Variants in MBNL1 observed in about 807,000 individuals in gnomAD.
MBNL1 encodes the protein muscleblind-like protein 1.
MBNL1 carries 8 observed loss-of-function variants against 42.2 expected under a neutral mutation model. That is an observed-to-expected ratio of 0.19 (90% confidence interval 0.11 to 0.34). MBNL1 has a LOEUF of 0.34. Among genes scored for constraint, MBNL1 ranks in the 10% least tolerant of loss-of-function variants. MBNL1 has a pLI of 1.00. For synonymous variants in MBNL1, 169 were observed against 173.9 expected (o/e 0.97, Z 0.22); for missense variants, 309 against 495.3 (o/e 0.62, Z 3.57).
At chr3:152,291,147 C>T (rs1288936229) in intron 1 of MBNL1, among the ~76,000 whole-genome samples, 1 of 152,030 alleles carries the variant, frequency 6.6e-6, no homozygotes, top group Non-Finnish European at 1.5e-5. Context: ...TCTTGTAGAA[C>T]AATTAAGTAG....
chr3:152,297,994 G>C (rs2059371717), intron 1 of MBNL1, among the ~76,000 whole-genome samples: 1 of 152,104 alleles, frequency 6.6e-6, no homozygotes, highest in South Asian at 2.1e-4. Context: ...TCGTACTGTA[G>C]TATTTTCCAA....
intron 2 of MBNL1, among the ~76,000 whole-genome samples, chr3:152,315,966 T>C (rs34997580): frequency 0.11 from 16,607 of 152,158 alleles, 1,171 homozygotes; most frequent in Middle Eastern, 0.18. Flanking sequence ...GAAGAATTTC[T>C]GAAGTTCTCA....
intron 2 of MBNL1, among the ~76,000 whole-genome samples, chr3:152,261,762 G>A (rs2036322760): frequency 6.6e-6 from 1 of 152,140 alleles, no homozygotes; most frequent in African/African-American, 2.4e-5. Flanking sequence ...CATGTTGCTA[G>A]GACAATATTT....
rs113059157 is a variant in MBNL1, at chr3:152,348,009, A to G, written c.174+47642A>G. ...TATAAATTTTAATCTATTTAGAATA[A>G]CAGGTGGGTGAAAAGAATACAGACT... On this transcript the variant is annotated intron_variant, in intron 2 of 9. Coordinates refer to ENST00000324210, the MANE Select transcript of MBNL1 (RefSeq NM_021038.5). Among the ~76,000 whole-genome samples the G allele has an allele frequency of 2.6e-5, 4 of 152,256 alleles. No homozygotes were observed. In the South Asian group the frequency reaches 8.3e-4, roughly 32 times the overall value.
chr3:152,248,888 A>G (rs2033840930), intron 2 of MBNL1, among the ~76,000 whole-genome samples: 1 of 151,460 alleles, frequency 6.6e-6, no homozygotes, highest in South Asian at 2.1e-4. Flanking sequence ...TGTTCTTGCG[A>G]TAGTTTACTG....
intron 2 of MBNL1, among the ~76,000 whole-genome samples, chr3:152,343,127 A>G (rs1266028540): frequency 1.3e-5 from 2 of 152,138 alleles, no homozygotes; most frequent in African/African-American, 2.4e-5. Flanking sequence ...GACTGACCCA[A>G]ATATGGGGTG....
At chr3:152,370,354 AGGGTCC>A (rs760768445) in intron 2 of MBNL1, among the ~76,000 whole-genome samples, 3 of 152,062 alleles carry the variant, frequency 2.0e-5, no homozygotes, top group Non-Finnish European at 4.4e-5. Context: ...TGATTGCACC[AGGGTCC>A]GGGAGACTGT....
rs1321686657 is a variant in MBNL1 at position 152,462,880 on chromosome 3, G to A, written c.*514G>A. ...AGAGCGTGCATGCACAGTCATTTTT[G>A]TTTAAGAGTAATATTTTTAATGTAA... On this transcript the variant is annotated 3_prime_UTR_variant, in exon 10 of 10. Transcript: ENST00000324210. 4 of 151,900 alleles carry A rather than the reference G, an allele frequency of 2.6e-5. No individual in the cohort carries two copies. Among genetic ancestry groups the A allele is most frequent in the Non-Finnish European group, 4.4e-5 (3 of 67,486 alleles). 9.4% of individuals were successfully genotyped at this position (151,900 alleles called of 1,614,324 possible).
chr3:152,290,421 G>A (rs1217935001), intron 1 of MBNL1, among the ~76,000 whole-genome samples: 1 of 152,014 alleles, frequency 6.6e-6, no homozygotes, highest in Non-Finnish European at 1.5e-5. Context: ...ATAACTATTG[G>A]TTGTGAGAAT....
chr3:152,263,105 A>G (rs945412345), upstream of MBNL1: 5 of 152,020 alleles, frequency 3.3e-5, no homozygotes, highest in African/African-American at 1.2e-4. Context: ...TCAAGGGCCA[A>G]CTCTCCAGCT....
At chr3:152,377,469 G>A (rs1292418349) in intron 2 of MBNL1, among the ~76,000 whole-genome samples, 1 of 152,108 alleles carries the variant, frequency 6.6e-6, no homozygotes, top group African/African-American at 2.4e-5. Flanking sequence ...AATTTATATT[G>A]TATTATCTCT....
intron 1 of MBNL1, among the ~76,000 whole-genome samples, chr3:152,272,042 TCTC>T: frequency 2.0e-5 from 1 of 50,154 alleles, no homozygotes; most frequent in East Asian, 3.8e-4. Context: ...GTTTCTTTTC[TCTC>T]TCTCTCTCTC....
At chr3:152,308,862 C>T (rs1460383675) in intron 2 of MBNL1, among the ~76,000 whole-genome samples, 4 of 151,642 alleles carry the variant, frequency 2.6e-5, no homozygotes, top group South Asian at 2.1e-4. Flanking sequence ...GTCAAGAGAC[C>T]GGTTGTAAAA....
At chr3:152,329,752 A>G (rs543646480) in intron 2 of MBNL1, among the ~76,000 whole-genome samples, 3 of 147,798 alleles carry the variant, frequency 2.0e-5, no homozygotes, top group South Asian at 4.2e-4. Flanking sequence ...TAAGAAATAT[A>G]TATATAATTT....
At chr3:152,409,277 A>T in intron 2 of MBNL1, among the ~76,000 whole-genome samples, 1 of 152,262 alleles carries the variant, frequency 6.6e-6, no homozygotes, top group South Asian at 2.1e-4. Context: ...GTAATTTTTA[A>T]ATAAATATTT....
rs142091612 is a variant in MBNL1 at position 152,421,959 on chromosome 3, C to T, written c.345+6848C>T. ...GAATATGGAAAGGAAAAACTCGTAC[C>T]GACCACTAAAAAAAAAAATACCAAA... On this transcript the variant is annotated intron_variant, in intron 3 of 9. Coordinates refer to ENST00000324210, the MANE Select transcript of MBNL1 (RefSeq NM_021038.5). 5.0e-3 allele frequency among the ~76,000 whole-genome samples: 739 copies of T among 148,984 alleles called. 5 individuals carry two copies. The highest frequency in any genetic ancestry group is 0.01 in the South Asian group (48 of 4,764).
At position 152,371,345 on chromosome 3, in the gene MBNL1, C is replaced by A. The variant is rs372007439; in HGVS notation, c.175-43596C>A. Among the ~76,000 whole-genome samples, 26 of 152,278 alleles carry A rather than the reference C, an allele frequency of 1.7e-4. No individual in the cohort carries two copies. In the East Asian group the frequency reaches 2.5e-3, roughly 15 times the overall value. ...AGGCACCGTGGCTCATGTGTGTAAT[C>A]CCAGCACTTTGGGAGGCTGAGGCTG... On this transcript the variant is annotated intron_variant, in intron 2 of 9. Transcript: ENST00000324210.
chr3:152,434,258 G>A (rs1257093462), intron 4 of MBNL1, among the ~76,000 whole-genome samples: 2 of 152,166 alleles, frequency 1.3e-5, no homozygotes, highest in Non-Finnish European at 2.9e-5. Context: ...TTGTGTCCAT[G>A]AGGTCTCATC....
At chr3:152,445,147 G>C in intron 4 of MBNL1, 135 bp from the exon 5 acceptor site, 1 of 664,100 alleles carries the variant, frequency 1.5e-6, no homozygotes. Flanking sequence ...GAAGTTACTT[G>C]TTGCCTTGTT....
Sources: gnomAD v4.1 joint callset for allele counts (sites outside exome capture counted in the v4.1 genomes callset) on GRCh38, gnomAD v4.1.1 for gene constraint, MANE v1.5 for transcripts, NCBI Gene and HGNC (gene_info 2026-07-23, HGNC 2026-07-21) for gene names.